The following PTK2 variants were observed in gnomAD, a reference collection of about 807,000 sequenced individuals.
PTK2 encodes the protein focal adhesion kinase 1.
In PTK2, 45 loss-of-function variants were observed where a neutral mutation model predicts 150.1. That is an observed-to-expected ratio of 0.30 (90% CI 0.24 to 0.38). PTK2 has a LOEUF of 0.38. Ranked by LOEUF, PTK2 falls within the 10% of genes least tolerant of loss-of-function variation. The pLI is 1.00. For synonymous variants in PTK2, 432 were observed against 449.2 expected, an observed-to-expected ratio of 0.96 and a Z score of 0.48; for missense variants, 919 against 1,307.3, an observed-to-expected ratio of 0.70 and a Z score of 4.58.
chr8:140,869,434 T>C (rs756758462), intron 4 of PTK2, among the ~76,000 whole-genome samples: 85 of 152,188 alleles, frequency 5.6e-4, no homozygotes, highest in Non-Finnish European at 1.0e-3. Context: ...AAAAACCTTG[T>C]ATAGAATCAG....
intron 27 of PTK2, among the ~76,000 whole-genome samples, chr8:140,684,205 C>T (rs1272855467): frequency 6.6e-6 from 1 of 152,150 alleles, no homozygotes; most frequent in Non-Finnish European, 1.5e-5. Context: ...ACAATTTTTC[C>T]ACGGACTCAG....
intron 1 of PTK2, among the ~76,000 whole-genome samples, chr8:140,964,314 ACACCTGAGCTCAAGCAATCCTCC>A (rs1159006564): frequency 6.6e-6 from 1 of 151,870 alleles, no homozygotes; most frequent in Non-Finnish European, 1.5e-5. Context: ...GTAGTCTCAG[ACACCTGAGCTCAAGCAATCCTCC>A]CACCTGAGCC....
chr8:140,693,296 G>A (rs765108090), intron 26 of PTK2, among the ~76,000 whole-genome samples: 1 of 152,070 alleles, frequency 6.6e-6, no homozygotes, highest in Non-Finnish European at 1.5e-5. Flanking sequence ...ACTCACGCCT[G>A]TAATCCCAAC....
chr8:140,908,362 A>G (rs1360130032), intron 2 of PTK2, among the ~76,000 whole-genome samples: 1 of 152,254 alleles, frequency 6.6e-6, no homozygotes, highest in Non-Finnish European at 1.5e-5. Context: ...TAAAAGTACA[A>G]GATGAAGCAG....
At chr8:140,800,627 C>G (rs768006303) in intron 11 of PTK2, 51 bp from the exon 12 acceptor site, 2 of 1,398,304 alleles carry the variant, frequency 1.4e-6, no homozygotes, top group South Asian at 2.3e-5. Flanking sequence ...TCCCAGTAAG[C>G]AAAGGACAGC....
At position 140,927,811 on chromosome 8, in the gene PTK2, C is replaced by T. The variant is rs577950073; in HGVS notation, c.-121-2062G>A. 6.6e-5 allele frequency among the ~76,000 whole-genome samples: 10 copies of T among 150,736 alleles called. No homozygotes were observed. The East Asian group carries it at 7.8e-4, about 12-fold the overall frequency. On this transcript the variant is annotated intron_variant, in intron 1 of 31. Coordinates refer to ENST00000522684, the Ensembl canonical transcript of PTK2. ...TCTGTACTAAATACAAAAAATTGGCCGCGCGTGGTGGCACATGCTTGTAAT... is the reference window on the plus strand; with the variant it reads ...TCTGTACTAAATACAAAAAATTGGCTGCGCGTGGTGGCACATGCTTGTAAT...
At position 140,706,195 on chromosome 8, in the gene PTK2, G is replaced by C; in HGVS notation, c.2153C>G (p.Pro718Arg). 6.2e-7 allele frequency: 1 copy of C among 1,612,250 alleles called. No individual in the cohort carries two copies. Among genetic ancestry groups the C allele is most frequent in the Non-Finnish European group, 8.5e-7 (1 of 1,178,492 alleles). ...GCTGGACCTCGGACTGGGATAACCC[G>C]GTCTGCTGGGCTGTAAAATCAAGAG... is the stretch of plus-strand genomic sequence containing the variant. Residue 718 changes from proline (P) to arginine (R), a missense_variant, in exon 24 of 32, where the codon CCG becomes CGG. Pro to Arg is a moderately radical substitution (Grantham distance 103, BLOSUM62 -2). This residue lies in a region of PTK2 where 258 missense variants were observed against 265.4 expected (regional missense o/e 0.97). Transcript: ENST00000522684.
At chr8:140,691,165 ATTTCT>A (rs775510019) in intron 26 of PTK2, among the ~76,000 whole-genome samples, 2 of 144,260 alleles carry the variant, frequency 1.4e-5, no homozygotes, top group East Asian at 2.2e-4. Context: ...CCTGGGACAG[ATTTCT>A]TTTCTTCTTC....
intron 2 of PTK2, among the ~76,000 whole-genome samples, chr8:140,907,141 T>A (rs1403628890): frequency 1.3e-5 from 2 of 152,176 alleles, no homozygotes; most frequent in East Asian, 1.9e-4. Context: ...AGCGAAAAAA[T>A]TTATATTAGA....
intron 10 of PTK2, among the ~76,000 whole-genome samples, chr8:140,807,700 C>A (rs1213039029): frequency 6.6e-6 from 1 of 152,198 alleles, no homozygotes; most frequent in African/African-American, 2.4e-5. Flanking sequence ...AGAATTCTTA[C>A]ACTGACTATA....
intron 10 of PTK2, among the ~76,000 whole-genome samples, chr8:140,812,028 T>G (rs2100101878): frequency 6.6e-6 from 1 of 152,130 alleles, no homozygotes. Context: ...CCAACCTAGC[T>G]AGAGAAGTCA....
chr8:140,817,879 A>G (rs1024568669), intron 10 of PTK2, among the ~76,000 whole-genome samples: 19 of 152,176 alleles, frequency 1.2e-4, no homozygotes, highest in African/African-American at 4.3e-4. Context: ...GGCTTTCAAG[A>G]GAATTGTGAA....
intron 1 of PTK2, among the ~76,000 whole-genome samples, chr8:140,943,184 C>G (rs1238481833): frequency 6.6e-6 from 1 of 152,158 alleles, no homozygotes; most frequent in African/African-American, 2.4e-5. Context: ...TGTGTAACCA[C>G]CACCACGCTG....
chr8:140,756,166 TACAAAA>T (rs1437360772), intron 16 of PTK2, among the ~76,000 whole-genome samples: 1 of 151,184 alleles, frequency 6.6e-6, no homozygotes. Flanking sequence ...CTACTAAAAA[TACAAAA>T]ACTAGCCGGG....
chr8:140,772,516 C>T (rs967978637), intron 14 of PTK2, among the ~76,000 whole-genome samples: 1 of 152,162 alleles, frequency 6.6e-6, no homozygotes, highest in Non-Finnish European at 1.5e-5. Context: ...GAAGCAACAG[C>T]GATACGGAAC....
chr8:140,676,571 T>C (rs2100013838), intron 27 of PTK2, among the ~76,000 whole-genome samples: 1 of 142,254 alleles, frequency 7.0e-6, no homozygotes, highest in Non-Finnish European at 1.5e-5. Flanking sequence ...GAATGTGGAA[T>C]AGTCACTGGG....
chr8:140,991,952 C>T (rs1349836770), intron 1 of PTK2, among the ~76,000 whole-genome samples: 2 of 151,732 alleles, frequency 1.3e-5, no homozygotes, highest in South Asian at 2.1e-4. Context: ...GCTGTGATCG[C>T]GCACTCCAGC....
intron 1 of PTK2, among the ~76,000 whole-genome samples, chr8:140,993,533 A>G (rs2100196532): frequency 6.6e-6 from 1 of 152,200 alleles, no homozygotes; most frequent in South Asian, 2.1e-4. Context: ...ACATTTTACT[A>G]CAAAATATGT....
chr8:140,832,861 A>G (rs1315795074), intron 7 of PTK2: 1 of 518,980 alleles, frequency 1.9e-6, no homozygotes. Context: ...GATTTCAAGA[A>G]GGCAACTGGC....
Sources: gnomAD v4.1 joint callset for allele counts (sites outside exome capture counted in the v4.1 genomes callset) on GRCh38, gnomAD v4.1.1 for gene constraint, gnomAD v4.1.1 regional missense constraint, MANE v1.5 for transcripts, NCBI Gene and HGNC (gene_info 2026-07-23, HGNC 2026-07-21) for gene names.